The following CCNB2 variants were observed in gnomAD, a reference collection of about 807,000 sequenced individuals.
CCNB2 encodes cyclin B2.
A neutral mutation model predicts 51.1 loss-of-function variants in CCNB2; 39 were observed. The observed-to-expected ratio is 0.76, with a 90% CI of 0.59 to 1.00. CCNB2 has a LOEUF of 1.00. Among genes scored for constraint, CCNB2 ranks in the 50% least tolerant of loss-of-function variants. The pLI is 0.00. For missense variants in CCNB2, 472 were observed against 470.3 expected (o/e 1.00, Z -0.03); for synonymous variants, 174 against 165.5 (o/e 1.05, Z -0.40).
intron 7 of CCNB2, among the ~76,000 whole-genome samples, chr15:59,122,868 T>C (rs2079309139): frequency 6.6e-6 from 1 of 152,186 alleles, no homozygotes; most frequent in Admixed American, 6.6e-5. Context: ...ATACATCTTA[T>C]TATCAATTGA....
Position 59,124,807 on chromosome 15 carries a change from T to C in CCNB2, c.1127T>C (p.Ile376Thr), listed in dbSNP as rs1276896131. The change falls in exon 9 of 9, where the codon ATC (isoleucine) becomes ACC (threonine). Residue 376 changes from isoleucine to threonine, a missense_variant. Transcript: ENST00000288207. ...NKYASSKLLKISMIPQLNSKA... is the reference protein window; with the variant it reads ...NKYASSKLLKTSMIPQLNSKA... ...TATGCAAGCAGCAAACTCCTGAAGA[T>C]CAGCATGATCCCTCAGCTGAACTCA... 3 of 1,613,334 alleles carry C rather than the reference T, an allele frequency of 1.9e-6. No individual in the cohort carries two copies. In the African/African-American group the frequency reaches 4.0e-5, roughly 22 times the overall value.
chr15:59,105,513 G>T (rs1408699773), intron 1 of CCNB2, among the ~76,000 whole-genome samples: 1 of 152,230 alleles, frequency 6.6e-6, no homozygotes, highest in African/African-American at 2.4e-5. Flanking sequence ...CCCTGCCCCG[G>T]GGTGGGAGAA....
At position 59,116,869 on chromosome 15, in the gene CCNB2, T is replaced by C; in HGVS notation, c.777T>C (p.Phe259=). ...METLILKELK[F]ELGRPLPLHF... is the part of the protein sequence containing the mutation. ...CTCTAATTTTGAAAGAATTGAAATT[T>C]GAGTTGGGTCGACCCTTGCCACTAC... Residue 259 remains phenylalanine (F), a synonymous_variant, in exon 6 of 9, where the codon TTT becomes TTC. Coordinates refer to ENST00000288207, the MANE Select transcript of CCNB2 (RefSeq NM_004701.4). 1 of 1,614,194 alleles carries C rather than the reference T, an allele frequency of 6.2e-7. No individual in the cohort carries two copies. Among genetic ancestry groups the C allele is most frequent in the Middle Eastern group, 1.6e-4 (1 of 6,062 alleles).
chr15:59,116,232 C>G (rs1227949303), intron 5 of CCNB2: 1 of 155,952 alleles, frequency 6.4e-6, no homozygotes, highest in Non-Finnish European at 1.4e-5. Flanking sequence ...TAAATTCTCA[C>G]TTTTTTCTTT....
intron 7 of CCNB2, among the ~76,000 whole-genome samples, chr15:59,120,705 A>G (rs2079298553): frequency 6.6e-6 from 1 of 152,242 alleles, no homozygotes; most frequent in Non-Finnish European, 1.5e-5. Flanking sequence ...AATTTATTCA[A>G]GCAAGGTGCA....
rs865823239 is a variant in CCNB2 at position 59,105,224 on chromosome 15, G to C, written c.-45G>C. The stretch of plus-strand genomic sequence containing the variant: ...CTAGTGTCCTCCCTTTTCAGTCCGC[G>C]TCCCTCCCTGGGCCGGGCTGGCACT... On this transcript the variant is annotated 5_prime_UTR_variant, in exon 1 of 9. Coordinates refer to ENST00000288207, the MANE Select transcript of CCNB2 (RefSeq NM_004701.4). The C allele has an allele frequency of 4.5e-6, 7 of 1,547,426 alleles. No individual in the cohort carries two copies. In the Middle Eastern group the frequency reaches 6.7e-4, roughly 148 times the overall value.
intron 5 of CCNB2, among the ~76,000 whole-genome samples, chr15:59,115,328 T>C (rs1217279483): frequency 6.6e-6 from 1 of 152,144 alleles, no homozygotes. Flanking sequence ...ATTGAATCAC[T>C]GTAGAAGAAG....
intron 7 of CCNB2, among the ~76,000 whole-genome samples, chr15:59,121,792 C>T (rs1359821299): frequency 2.6e-5 from 4 of 151,838 alleles, no homozygotes. Context: ...ATTAGCTGGG[C>T]GTGGTGGCAC....
At chr15:59,107,790 T>C in intron 3 of CCNB2, 120 bp downstream of exon 3, 2 of 717,686 alleles carry the variant, frequency 2.8e-6, no homozygotes, top group Non-Finnish European at 4.7e-6. Context: ...AGCTCTGCTT[T>C]GAAGCAATAG....
At chr15:59,123,904 A>G in intron 8 of CCNB2, 1 of 356,664 alleles carries the variant, frequency 2.8e-6, no homozygotes, top group South Asian at 3.2e-5. Context: ...AATGTATTGA[A>G]TTACTCTGTG....
At chr15:59,116,578 T>C (rs941274347) in intron 5 of CCNB2, 112 bp from the exon 6 acceptor site, 34 of 560,706 alleles carry the variant, frequency 6.1e-5, no homozygotes, top group Non-Finnish European at 9.7e-5. Flanking sequence ...TGTGCCCTTA[T>C]GAGCAAAGAC....
intron 7 of CCNB2, among the ~76,000 whole-genome samples, chr15:59,122,219 TAAATA>T (rs1332587255): frequency 1.3e-5 from 2 of 148,612 alleles, no homozygotes; most frequent in Non-Finnish European, 3.0e-5. Context: ...ACAGAACTCT[TAAATA>T]AAGTCAGTTG....
At chr15:59,120,611 G>A (rs1449847195) in intron 7 of CCNB2, among the ~76,000 whole-genome samples, 2 of 151,896 alleles carry the variant, frequency 1.3e-5, no homozygotes, top group African/African-American at 2.4e-5. Flanking sequence ...TAAAAGAGGG[G>A]TTCATTTTTA....
At chr15:59,123,769 T>C (rs1235995700) in intron 8 of CCNB2, 142 bp downstream of exon 8, 6 of 624,512 alleles carry the variant, frequency 9.6e-6, no homozygotes, top group Non-Finnish European at 1.5e-5. Flanking sequence ...CTTTATCCTT[T>C]ATATTTTTCT....
chr15:59,107,686 T>C lies in CCNB2; in HGVS notation c.267+16T>C. 5.6e-6 allele frequency: 9 copies of C among 1,598,372 alleles called. No homozygotes were observed. The highest frequency in any genetic ancestry group is 7.7e-6 in the Non-Finnish European group (9 of 1,166,380). ...GGCTCCAAAGGTAGGAAGTTCTGAA[T>C]TTACAAACGTATTTAATGAGGTAGC... On this transcript the variant is annotated intron_variant, in intron 3 of 8. Transcript: ENST00000288207.
At chr15:59,112,562 A>G (rs1277698052) in intron 3 of CCNB2, among the ~76,000 whole-genome samples, 1 of 151,632 alleles carries the variant, frequency 6.6e-6, no homozygotes, top group East Asian at 2.0e-4. Context: ...GGTTAGGCTG[A>G]TTTCAAACTT....
At chr15:59,123,911 T>C (rs937331173) in intron 8 of CCNB2, 1 of 322,724 alleles carries the variant, frequency 3.1e-6, no homozygotes, top group Non-Finnish European at 6.0e-6. Context: ...TGAATTACTC[T>C]GTGCTTATAC....
intron 3 of CCNB2, among the ~76,000 whole-genome samples, chr15:59,107,933 A>G (rs2079242715): frequency 6.6e-6 from 1 of 152,214 alleles, no homozygotes; most frequent in Non-Finnish European, 1.5e-5. Context: ...CAGGAATTCA[A>G]GGCTGCAATG....
chr15:59,117,863 G>A (rs1293849945), intron 7 of CCNB2, among the ~76,000 whole-genome samples: 9 of 152,228 alleles, frequency 5.9e-5, no homozygotes, highest in Non-Finnish European at 1.3e-4. Context: ...TTGGGAGGCT[G>A]AGGGAGGAGG....
Sources: allele counts gnomAD v4.1 joint callset (sites outside exome capture counted in the v4.1 genomes callset), GRCh38; gene constraint gnomAD v4.1.1; transcripts MANE v1.5; gene names NCBI Gene and HGNC (gene_info 2026-07-23, HGNC 2026-07-21).